The following DRC8 variants were observed in gnomAD, a reference collection of about 807,000 sequenced individuals.
DRC8 encodes the protein dynein regulatory complex protein 8.
chr1:245,035,478 G>T, the DRC8 span, among the ~76,000 whole-genome samples: 1 of 152,112 alleles, frequency 6.6e-6, no homozygotes, highest in Non-Finnish European at 1.5e-5. Flanking sequence ...AAAAAGAATA[G>T]TCTTTACAAC....
At chr1:245,117,233 T>G in the DRC8 span, among the ~76,000 whole-genome samples, 1 of 151,984 alleles carries the variant, frequency 6.6e-6, no homozygotes, top group East Asian at 1.9e-4. Flanking sequence ...CTTTGTATTT[T>G]AGTAGAGACA....
At chr1:245,022,570 A>G in the DRC8 span, among the ~76,000 whole-genome samples, 1 of 152,208 alleles carries the variant, frequency 6.6e-6, no homozygotes, top group Admixed American at 6.5e-5. Context: ...ATAAAATTCT[A>G]AAGGTAGAAA....
the DRC8 span, chr1:245,082,149 C>G: frequency 2.5e-6 from 4 of 1,611,928 alleles, no homozygotes; most frequent in South Asian, 3.3e-5. Flanking sequence ...GACAGAAATA[C>G]TACTAGAAAG....
chr1:245,025,112 G>A, the DRC8 span, among the ~76,000 whole-genome samples: 2 of 151,898 alleles, frequency 1.3e-5, no homozygotes, highest in African/African-American at 2.4e-5. Context: ...GGAAACAAAC[G>A]AATGTCATTT....
the DRC8 span, among the ~76,000 whole-genome samples, chr1:245,043,449 G>A: frequency 1.4e-5 from 2 of 146,512 alleles, no homozygotes; most frequent in African/African-American, 5.4e-5. Flanking sequence ...AAAAAAAAAA[G>A]AAAGAAAGAA....
the DRC8 span, chr1:244,970,504 G>T: frequency 2.0e-6 from 3 of 1,509,270 alleles, no homozygotes; most frequent in Non-Finnish European, 2.6e-6. Flanking sequence ...CGGGCTGCAC[G>T]GGGAAGCGCC....
chr1:245,110,600 C>T, the DRC8 span, among the ~76,000 whole-genome samples: 4 of 152,384 alleles, frequency 2.6e-5, no homozygotes, highest in South Asian at 2.1e-4. Context: ...AGCCAGACAG[C>T]GCCCCGCTGA....
chr1:244,972,444 G>C, the DRC8 span, among the ~76,000 whole-genome samples: 2 of 152,220 alleles, frequency 1.3e-5, no homozygotes, highest in Non-Finnish European at 2.9e-5. Context: ...GTGGACAGCA[G>C]CCTGGACATC....
the DRC8 span, among the ~76,000 whole-genome samples, chr1:245,106,846 CCTGG>C: frequency 1.3e-5 from 2 of 152,162 alleles, no homozygotes; most frequent in Non-Finnish European, 2.9e-5. Flanking sequence ...TTGAGACCAG[CCTGG>C]CTGGCCAACA....
chr1:245,097,391 G>A, the DRC8 span, among the ~76,000 whole-genome samples: 1 of 152,026 alleles, frequency 6.6e-6, no homozygotes, highest in Non-Finnish European at 1.5e-5. The surrounding 1 kb of genome is among the most constrained non-coding windows in gnomAD (Gnocchi z 5.0). Flanking sequence ...GGTGGCGGGC[G>A]CCTGTAGTCC....
the DRC8 span, among the ~76,000 whole-genome samples, chr1:245,001,390 A>C: frequency 6.6e-6 from 1 of 152,308 alleles, no homozygotes; most frequent in South Asian, 2.1e-4. Context: ...TTGGTGGCTC[A>C]TCAGAGTCCC....
At chr1:245,092,212 C>T in the DRC8 span, among the ~76,000 whole-genome samples, 3 of 152,206 alleles carry the variant, frequency 2.0e-5, no homozygotes, top group Non-Finnish European at 2.9e-5. Flanking sequence ...GAGATTTAGT[C>T]CCCTTTGCAG....
the DRC8 span, among the ~76,000 whole-genome samples, chr1:245,078,224 TTGG>T: frequency 0.012 from 1,753 of 152,210 alleles, 40 homozygotes; most frequent in African/African-American, 0.039. Flanking sequence ...AAGGAACCTG[TTGG>T]TGGGAGTGTA....
the DRC8 span, chr1:245,124,505 T>C: frequency 2.6e-5 from 4 of 152,278 alleles, no homozygotes; most frequent in East Asian, 7.7e-4. Flanking sequence ...TAGTTGTAAG[T>C]AAGCATCAGT....
At chr1:245,098,870 G>T in the DRC8 span, among the ~76,000 whole-genome samples, 2 of 152,234 alleles carry the variant, frequency 1.3e-5, no homozygotes, top group Non-Finnish European at 2.9e-5. Context: ...CGGAGCCCGT[G>T]TGGCGGCTGT....
chr1:245,014,321 T>C, the DRC8 span, among the ~76,000 whole-genome samples: 1 of 152,116 alleles, frequency 6.6e-6, no homozygotes, highest in Admixed American at 6.6e-5. Flanking sequence ...CCCAGTAGGG[T>C]TGAGCAGAGA....
At chr1:245,067,147 G>T in the DRC8 span, among the ~76,000 whole-genome samples, 28 of 151,968 alleles carry the variant, frequency 1.8e-4, no homozygotes, top group Non-Finnish European at 3.2e-4. Flanking sequence ...TTATTTTTCA[G>T]ACAGAGTCTC....
chr1:245,105,142 T>C, the DRC8 span, among the ~76,000 whole-genome samples: 64 of 152,326 alleles, frequency 4.2e-4, no homozygotes, highest in Non-Finnish European at 1.2e-4. Flanking sequence ...GTTTTTTCTT[T>C]CCTTGCAAAT....
At chr1:244,993,495 CTG>C in the DRC8 span, among the ~76,000 whole-genome samples, 1 of 152,192 alleles carries the variant, frequency 6.6e-6, no homozygotes, top group Admixed American at 6.6e-5. Flanking sequence ...ATCTATAGAC[CTG>C]TGAACTAGAG....
Sources: gnomAD v4.1 joint callset for allele counts (sites outside exome capture counted in the v4.1 genomes callset) on GRCh38, gnomAD v4.1.1 for gene constraint, Gnocchi (gnomAD v3.1) non-coding constraint, MANE v1.5 for transcripts, NCBI Gene and HGNC (gene_info 2026-07-23, HGNC 2026-07-21) for gene names.